The following CTIF variants were observed in gnomAD, a reference collection of about 807,000 sequenced individuals.
CTIF encodes the protein CBP80/20-dependent translation initiation factor.
Under a neutral mutation model 66.0 loss-of-function variants are expected in CTIF, and 21 were observed. That is an observed-to-expected ratio of 0.32 (90% CI 0.23 to 0.46). The LOEUF (loss-of-function observed/expected upper bound fraction) is 0.46. Among genes scored for constraint, CTIF ranks in the 20% least tolerant of loss-of-function variants. The pLI is 1.00. For synonymous variants in CTIF, 345 were observed against 326.4 expected (o/e 1.06, Z -0.62); for missense variants, 739 against 812.7 (o/e 0.91, Z 1.10).
At chr18:48,629,925 G>A (rs1026121702) in intron 2 of CTIF, among the ~76,000 whole-genome samples, 3 of 152,198 alleles carry the variant, frequency 2.0e-5, no homozygotes, top group African/African-American at 7.2e-5. Context: ...TCTTTATATA[G>A]TCTGGTGATT....
In CTIF at chr18:48,761,339, C is replaced by T. The variant is rs747541350; in HGVS notation, c.1072-51C>T. 2 of 1,576,582 alleles carry T rather than the reference C, an allele frequency of 1.3e-6. No individual in the cohort carries two copies. The highest frequency in any genetic ancestry group is 1.7e-5 in the Admixed American group (1 of 58,994). On this transcript the variant is annotated intron_variant, in intron 8 of 11. Transcript: ENST00000256413. The surrounding 1 kb of genome is among the most constrained non-coding windows in gnomAD (Gnocchi z 4.2). ...CTCTTTCCACCAGGCCACCCCTGCA[C>T]AGAGACCTCGGCTTCACTCAGGCAC...
At chr18:48,858,372 G>T (rs2069377604) in intron 11 of CTIF, among the ~76,000 whole-genome samples, 1 of 152,250 alleles carries the variant, frequency 6.6e-6, no homozygotes, top group Admixed American at 6.5e-5. Flanking sequence ...CTCCAGCTGG[G>T]CACCCTACAG....
At chr18:48,542,604 ATAG>A (rs1443362809) in intron 1 of CTIF, among the ~76,000 whole-genome samples, 1 of 152,222 alleles carries the variant, frequency 6.6e-6, no homozygotes, top group Non-Finnish European at 1.5e-5. Flanking sequence ...CTCTACAAAG[ATAG>A]TAGAGCAGAG....
chr18:48,842,055 T>C (rs976182668), intron 10 of CTIF, among the ~76,000 whole-genome samples: 3 of 151,906 alleles, frequency 2.0e-5, no homozygotes, highest in African/African-American at 7.3e-5. Flanking sequence ...TCAGCTAATA[T>C]CAATGTATTT....
chr18:48,566,893 A>G (rs1599153552), intron 1 of CTIF: 11 of 152,184 alleles, frequency 7.2e-5, no homozygotes, highest in Admixed American at 6.5e-4. Context: ...ATGACTTGCA[A>G]TACCCCACAG....
chr18:48,559,628 A>C (rs2089106350), intron 1 of CTIF, among the ~76,000 whole-genome samples: 2 of 152,360 alleles, frequency 1.3e-5, no homozygotes, highest in South Asian at 4.1e-4. Context: ...CAGAGCTGGA[A>C]GATCCACTTC....
intron 1 of CTIF, among the ~76,000 whole-genome samples, chr18:48,545,400 G>T (rs1162968055): frequency 6.6e-6 from 1 of 151,964 alleles, no homozygotes. Flanking sequence ...GGCTCTCCAC[G>T]GCATCCAGGT....
chr18:48,801,745 C>T (rs1418367178), intron 9 of CTIF, among the ~76,000 whole-genome samples: 3 of 152,220 alleles, frequency 2.0e-5, no homozygotes, highest in East Asian at 3.8e-4. Context: ...AAAGTCATTT[C>T]TTCAGCTTCC....
At chr18:48,728,338 C>T (rs1202851390) in intron 7 of CTIF, among the ~76,000 whole-genome samples, 1 of 152,190 alleles carries the variant, frequency 6.6e-6, no homozygotes, top group Non-Finnish European at 1.5e-5. Context: ...TCTCACATTG[C>T]AGAGTTTCAC....
chr18:48,586,846 G>A lies in CTIF; in HGVS notation c.-28-32692G>A, dbSNP rs144438720. The stretch of plus-strand genomic sequence containing the variant: ...GCTTGGAACAGATTCACTCCAAAGC[G>A]GTATCAGGCCACCACTCCTACACAG... On this transcript the variant is annotated intron_variant, in intron 1 of 11. Coordinates refer to ENST00000256413, the MANE Select transcript of CTIF (RefSeq NM_014772.3). Among the ~76,000 whole-genome samples the A allele has an allele frequency of 2.2e-4, 33 of 152,110 alleles. No homozygotes were observed. In the East Asian group the frequency reaches 5.2e-3, roughly 24 times the overall value.
intron 2 of CTIF, among the ~76,000 whole-genome samples, chr18:48,630,936 C>G (rs921845266): frequency 2.6e-5 from 4 of 152,116 alleles, no homozygotes; most frequent in African/African-American, 9.7e-5. Flanking sequence ...CTCAGCCTCC[C>G]AAAGTGCTGG....
intron 5 of CTIF, among the ~76,000 whole-genome samples, chr18:48,667,082 G>GACACACACACAC (rs4044188): frequency 0.053 from 7,508 of 142,158 alleles, 218 homozygotes; most frequent in Middle Eastern, 0.071. Context: ...CAGGAAAGTA[G>GACACACACACAC]ACACACACAC....
At chr18:48,543,365 G>A (rs565689347) in intron 1 of CTIF, among the ~76,000 whole-genome samples, 2 of 152,338 alleles carry the variant, frequency 1.3e-5, no homozygotes, top group Admixed American at 1.3e-4. Context: ...TGGCTTGGCA[G>A]GGGGAGGGGG....
chr18:48,663,934 G>A, intron 4 of CTIF, 109 bp downstream of exon 4: 1 of 996,256 alleles, frequency 1.0e-6, no homozygotes, highest in South Asian at 1.3e-5. Context: ...GCAGAGAGAA[G>A]CAGAGTAGGG....
chr18:48,543,535 C>A (rs1437487728), intron 1 of CTIF, among the ~76,000 whole-genome samples: 2 of 152,182 alleles, frequency 1.3e-5, no homozygotes. Context: ...ACCGTGCTCT[C>A]AGCATGCCTC....
chr18:48,793,463 C>T (rs1187721828), intron 9 of CTIF, among the ~76,000 whole-genome samples: 1 of 152,214 alleles, frequency 6.6e-6, no homozygotes, highest in Non-Finnish European at 1.5e-5. Context: ...ATTTACAACT[C>T]TGGCTTCTGT....
At chr18:48,734,506 C>T (rs2145693807) in intron 7 of CTIF, among the ~76,000 whole-genome samples, 1 of 152,324 alleles carries the variant, frequency 6.6e-6, no homozygotes, top group East Asian at 1.9e-4. Context: ...GCAGAGGTTG[C>T]AGTGAGCCAA....
intron 10 of CTIF, among the ~76,000 whole-genome samples, chr18:48,842,816 C>T (rs183317734): frequency 2.6e-4 from 39 of 152,352 alleles, no homozygotes; most frequent in Non-Finnish European, 5.1e-4. Flanking sequence ...GCAGCTAGCT[C>T]CCTCCACGGA....
intron 1 of CTIF, among the ~76,000 whole-genome samples, chr18:48,540,625 T>G (rs2088587312): frequency 6.6e-6 from 1 of 150,718 alleles, no homozygotes; most frequent in Non-Finnish European, 1.5e-5. Context: ...GTGTGCGGCG[T>G]GTAGAGGGGA....
Sources: gnomAD v4.1 joint callset for allele counts (sites outside exome capture counted in the v4.1 genomes callset) on GRCh38, gnomAD v4.1.1 for gene constraint, Gnocchi (gnomAD v3.1) non-coding constraint, MANE v1.5 for transcripts, NCBI Gene and HGNC (gene_info 2026-07-23, HGNC 2026-07-21) for gene names.